The following HMGA2 variants were observed in gnomAD, a reference collection of about 807,000 sequenced individuals.
HMGA2 encodes high mobility group protein HMGI-C.
In HMGA2, 8 loss-of-function variants were observed where a neutral mutation model predicts 19.1. The observed-to-expected ratio is 0.42, with a 90% confidence interval of 0.25 to 0.76. The LOEUF is 0.76. Among genes scored for constraint, HMGA2 ranks in the 30% least tolerant of loss-of-function variants. HMGA2 has a pLI of 0.28. For synonymous variants in HMGA2, 60 were observed against 48.8 expected (o/e 1.23, Z -0.96); for missense variants, 109 against 136.3 (o/e 0.80, Z 1.00).
intron 3 of HMGA2, chr12:65,877,046 G>A (rs902693839): frequency 6.6e-6 from 1 of 152,138 alleles, no homozygotes; most frequent in African/African-American, 2.4e-5. Context: ...AGTGATTTAT[G>A]GGCCATACAT....
At chr12:65,935,582 T>C (rs933191057) in intron 3 of HMGA2, among the ~76,000 whole-genome samples, 4 of 151,980 alleles carry the variant, frequency 2.6e-5, no homozygotes, top group African/African-American at 7.3e-5. Flanking sequence ...TGGAGAAAAG[T>C]GTATCTGTCA....
chr12:65,927,114 G>A (rs12426889), intron 3 of HMGA2, among the ~76,000 whole-genome samples: 30,090 of 151,890 alleles, frequency 0.2, 3,156 homozygotes, highest in South Asian at 0.32. Flanking sequence ...CATTTTAAAC[G>A]CACAACTTAA....
Position 65,861,814 on chromosome 12 carries a change from G to GA in HMGA2, c.249+23254dup, listed in dbSNP as rs545766939. 3.3e-3 allele frequency among the ~76,000 whole-genome samples: 471 copies of GA among 143,044 alleles called. 4 individuals carry two copies. The highest frequency in any genetic ancestry group is 7.1e-3 in the Admixed American group (103 of 14,408). 93.8% of individuals were successfully genotyped at this position (143,044 alleles called of 152,430 possible). The stretch of plus-strand genomic sequence containing the variant: ...ACATTTAATATAACAACATATTTTT[G>GA]AAAAAAAAATCCGTTTTTGTGCAAC... On this transcript the variant is annotated intron_variant, in intron 3 of 4. Coordinates refer to ENST00000403681, the MANE Select transcript of HMGA2 (RefSeq NM_003483.6).
intron 3 of HMGA2, among the ~76,000 whole-genome samples, chr12:65,937,379 G>T (rs574235784): frequency 1.3e-5 from 2 of 152,030 alleles, no homozygotes; most frequent in Admixed American, 6.5e-5. Flanking sequence ...TTATGACTGG[G>T]CAGCAGACGG....
rs570517400 is a variant in HMGA2, at chr12:65,882,015, T to G, written c.249+43446T>G. On this transcript the variant is annotated intron_variant, in intron 3 of 4. Transcript: ENST00000403681. ...GTCCCTGGGCGGTCAGTCGCTGGCA[T>G]GGCTCTGTGGAGTTTTACCTCCCAG... 112 of 673,916 alleles carry G rather than the reference T, an allele frequency of 1.7e-4. No individual in the cohort carries two copies. The African/African-American group carries it at 1.8e-3, about 11-fold the overall frequency. 41.7% of individuals were successfully genotyped at this position (673,916 alleles called of 1,614,324 possible). A position where few individuals can be genotyped will look rare whatever the true frequency, so the allele number is the denominator to read the frequency against.
chr12:65,929,797 T>G (rs946806897), intron 3 of HMGA2, among the ~76,000 whole-genome samples: 3 of 152,182 alleles, frequency 2.0e-5, no homozygotes, highest in African/African-American at 4.8e-5. Context: ...GGATATTCAG[T>G]TGACTCACTG....
intron 4 of HMGA2, chr12:65,956,740 G>C (rs1379522941): frequency 6.6e-6 from 1 of 152,108 alleles, no homozygotes; most frequent in African/African-American, 2.4e-5. Context: ...TTCTGTGTGG[G>C]GAAGTCTGTG....
chr12:65,866,715 T>C (rs1872433202), intron 3 of HMGA2: 1 of 429,560 alleles, frequency 2.3e-6, no homozygotes, highest in Non-Finnish European at 4.7e-6. Context: ...CATTCTTCAT[T>C]ACAAATTTAA....
intron 3 of HMGA2, among the ~76,000 whole-genome samples, chr12:65,943,065 G>A (rs1876143674): frequency 6.6e-6 from 1 of 151,864 alleles, no homozygotes; most frequent in Non-Finnish European, 1.5e-5. Context: ...AGAAAACATT[G>A]TAGGAAAAAA....
At chr12:65,841,416 A>G (rs1355697623) in intron 3 of HMGA2, among the ~76,000 whole-genome samples, 2 of 152,202 alleles carry the variant, frequency 1.3e-5, no homozygotes, top group Non-Finnish European at 2.9e-5. Context: ...AGAGGAAATA[A>G]AAGGAAATTG....
intron 3 of HMGA2, among the ~76,000 whole-genome samples, chr12:65,852,432 G>C (rs1313327336): frequency 1.3e-5 from 2 of 152,146 alleles, no homozygotes; most frequent in South Asian, 2.1e-4. Flanking sequence ...GAACTCGGGA[G>C]GTGGAGGTTG....
At chr12:65,959,666 C>T (rs1053869535) in intron 4 of HMGA2, among the ~76,000 whole-genome samples, 1 of 152,132 alleles carries the variant, frequency 6.6e-6, no homozygotes, top group East Asian at 1.9e-4. Flanking sequence ...GCCTTCTTGA[C>T]CAAAGAGTGG....
At chr12:65,938,296 G>A (rs1026739772) in intron 3 of HMGA2, among the ~76,000 whole-genome samples, 1 of 152,134 alleles carries the variant, frequency 6.6e-6, no homozygotes, top group African/African-American at 2.4e-5. Flanking sequence ...CAGGCTTTTT[G>A]TTATGTTAAG....
At chr12:65,892,765 G>T (rs957211447) in intron 3 of HMGA2, among the ~76,000 whole-genome samples, 3 of 152,086 alleles carry the variant, frequency 2.0e-5, no homozygotes, top group Non-Finnish European at 4.4e-5. Flanking sequence ...TCATCCTGTT[G>T]TTAAAACTTA....
At chr12:65,847,002 C>T (rs1314468320) in intron 3 of HMGA2, among the ~76,000 whole-genome samples, 1 of 152,022 alleles carries the variant, frequency 6.6e-6, no homozygotes, top group Non-Finnish European at 1.5e-5. Context: ...TATTGCTTTC[C>T]AAATCCTAAT....
At chr12:65,889,119 A>ATTTT (rs1873797488) in intron 3 of HMGA2, among the ~76,000 whole-genome samples, 1 of 152,226 alleles carries the variant, frequency 6.6e-6, no homozygotes, top group African/African-American at 2.4e-5. Context: ...AAGAAATATT[A>ATTTT]GTTGTGCCCA....
intron 3 of HMGA2, among the ~76,000 whole-genome samples, chr12:65,844,659 A>C (rs1393215224): frequency 1.3e-5 from 2 of 152,252 alleles, no homozygotes; most frequent in South Asian, 4.1e-4. Flanking sequence ...TTTCAAAAAA[A>C]GAGATTGATA....
At chr12:65,852,885 A>G (rs1286036840) in intron 3 of HMGA2, among the ~76,000 whole-genome samples, 1 of 152,238 alleles carries the variant, frequency 6.6e-6, no homozygotes, top group African/African-American at 2.4e-5. Flanking sequence ...CTCCAGTAGT[A>G]GACATTGAAG....
At chr12:65,859,245 C>T (rs2120965678) in intron 3 of HMGA2, 1 of 152,350 alleles carries the variant, frequency 6.6e-6, no homozygotes, top group Non-Finnish European at 1.5e-5. Flanking sequence ...GCACCCCTTT[C>T]ACTCCCCAAA....
Sources: gnomAD v4.1 joint callset for allele counts (sites outside exome capture counted in the v4.1 genomes callset) on GRCh38, gnomAD v4.1.1 for gene constraint, MANE v1.5 for transcripts, NCBI Gene and HGNC (gene_info 2026-07-23, HGNC 2026-07-21) for gene names.